Variants in PDSS2 observed in about 807,000 individuals in gnomAD.
The protein encoded by PDSS2 is decaprenyl diphosphate synthase subunit 2, also known as all trans-polyprenyl-diphosphate synthase PDSS2.
Under a neutral mutation model 44.5 loss-of-function variants are expected in PDSS2, and 31 were observed. The ratio of observed to expected loss-of-function variants is 0.70; its 90% confidence interval spans 0.52 to 0.94. The LOEUF (loss-of-function observed/expected upper bound fraction) is 0.94. Ranked by LOEUF, PDSS2 falls within the 40% of genes least tolerant of loss-of-function variation. PDSS2 has a pLI of 0.00. For synonymous variants in PDSS2, 157 were observed against 180.3 expected, an observed-to-expected ratio of 0.87 and a Z score of 1.03; for missense variants, 452 against 482.2, an observed-to-expected ratio of 0.94 and a Z score of 0.59.
chr6:107,162,192 A>G (rs1223177682), intron 7 of PDSS2, among the ~76,000 whole-genome samples: 1 of 152,156 alleles, frequency 6.6e-6, no homozygotes, highest in Non-Finnish European at 1.5e-5. Flanking sequence ...AAAGCTAACT[A>G]GAAAAACTAA....
chr6:107,253,184 C>T (rs1252989249), intron 3 of PDSS2, among the ~76,000 whole-genome samples: 2 of 151,896 alleles, frequency 1.3e-5, no homozygotes, highest in Non-Finnish European at 2.9e-5. Context: ...TACAGGCGTG[C>T]GCCACCACGC....
intron 7 of PDSS2, among the ~76,000 whole-genome samples, chr6:107,180,929 C>T (rs1771952739): frequency 6.6e-6 from 1 of 152,144 alleles, no homozygotes; most frequent in African/African-American, 2.4e-5. Flanking sequence ...ACCGCAACCT[C>T]CATCTCCCGG....
chr6:107,232,883 A>T (rs1283187683), intron 4 of PDSS2, among the ~76,000 whole-genome samples: 1 of 151,402 alleles, frequency 6.6e-6, no homozygotes, highest in Non-Finnish European at 1.5e-5. Flanking sequence ...TCTGTCACCC[A>T]GGCTGGAGTG....
intron 1 of PDSS2, among the ~76,000 whole-genome samples, chr6:107,374,114 C>G (rs1029906065): frequency 9.9e-5 from 15 of 151,906 alleles, no homozygotes; most frequent in Non-Finnish European, 1.8e-4. Flanking sequence ...ATTAACCTGC[C>G]GTGGTGGCGC....
At chr6:107,262,133 C>T (rs950489247) in intron 3 of PDSS2, among the ~76,000 whole-genome samples, 1 of 151,556 alleles carries the variant, frequency 6.6e-6, no homozygotes, top group African/African-American at 2.4e-5. Flanking sequence ...TGGCCTCGAT[C>T]TCCTGACCTC....
chr6:107,429,937 T>TATATATATATATATATACAC (rs1316596170), intron 1 of PDSS2, among the ~76,000 whole-genome samples: 1 of 99,650 alleles, frequency 1.0e-5, no homozygotes, highest in East Asian at 3.1e-4. Context: ...TATATATATA[T>TATATATATATATATATACAC]ACACCAAACC....
intron 1 of PDSS2, among the ~76,000 whole-genome samples, chr6:107,380,239 T>C (rs1779415470): frequency 6.6e-6 from 1 of 152,180 alleles, no homozygotes; most frequent in Non-Finnish European, 1.5e-5. Flanking sequence ...CATCTACTCT[T>C]AATTTACTGG....
At chr6:107,225,149 A>ATATATT (rs1562389116) in intron 4 of PDSS2, among the ~76,000 whole-genome samples, 13 of 55,412 alleles carry the variant, frequency 2.3e-4, no homozygotes, top group Non-Finnish European at 3.5e-4. Context: ...ATATATATAT[A>ATATATT]TATATATATA....
chr6:107,340,771 C>A (rs1239486880), intron 1 of PDSS2, among the ~76,000 whole-genome samples: 1 of 152,022 alleles, frequency 6.6e-6, no homozygotes, highest in East Asian at 1.9e-4. Context: ...GGAATGGAGT[C>A]ATGGGAATAG....
intron 4 of PDSS2, among the ~76,000 whole-genome samples, chr6:107,234,730 A>T (rs141427499): frequency 1.3e-5 from 2 of 152,128 alleles, no homozygotes; most frequent in African/African-American, 2.4e-5. Context: ...GGTCAATTAG[A>T]TGCAAAACAT....
At chr6:107,254,628 G>A (rs1478887793) in intron 3 of PDSS2, among the ~76,000 whole-genome samples, 1 of 152,108 alleles carries the variant, frequency 6.6e-6, no homozygotes, top group Non-Finnish European at 1.5e-5. Flanking sequence ...TTTACCTAGC[G>A]ACACTGCCGC....
intron 1 of PDSS2, among the ~76,000 whole-genome samples, chr6:107,439,389 A>G (rs1007437489): frequency 2.0e-5 from 3 of 152,246 alleles, no homozygotes; most frequent in Admixed American, 1.3e-4. Flanking sequence ...TCTAAATTCC[A>G]GCAAGCCCAA....
rs140498926 is a variant in PDSS2, at chr6:107,452,586, T to C, written c.296+6404A>G. Among the ~76,000 whole-genome samples, 478 of 152,136 alleles carry C rather than the reference T, an allele frequency of 3.1e-3. 3 individuals are homozygous for C. The highest frequency in any genetic ancestry group is 9.8e-3 in the Admixed American group (150 of 15,282). On this transcript the variant is annotated intron_variant, in intron 1 of 7. Coordinates refer to ENST00000369037, the MANE Select transcript of PDSS2 (RefSeq NM_020381.4). Reference sequence around the variant, plus strand: ...CTGGATACAAGCCCTTCTTTGAATATGTGATTTGCAAATATTTTCTCCCAG... The same window carrying C: ...CTGGATACAAGCCCTTCTTTGAATACGTGATTTGCAAATATTTTCTCCCAG...
At chr6:107,361,552 T>C (rs1247040605) in intron 1 of PDSS2, among the ~76,000 whole-genome samples, 1 of 152,184 alleles carries the variant, frequency 6.6e-6, no homozygotes, top group Non-Finnish European at 1.5e-5. Context: ...AAATCATCCA[T>C]ATTTTTACAC....
At chr6:107,254,185 C>T (rs1425421272) in intron 3 of PDSS2, among the ~76,000 whole-genome samples, 3 of 151,600 alleles carry the variant, frequency 2.0e-5, no homozygotes, top group Non-Finnish European at 4.4e-5. Flanking sequence ...AGGCGTCCAC[C>T]ACCATACCTG....
At position 107,432,638 on chromosome 6, in the gene PDSS2, T is replaced by A. The variant is rs528906192; in HGVS notation, c.296+26352A>T. 3.3e-5 allele frequency among the ~76,000 whole-genome samples: 5 copies of A among 152,188 alleles called. No individual in the cohort carries two copies. The East Asian group carries it at 9.7e-4, about 29-fold the overall frequency. ...CAGAAATACAAAAATTAGCCAGGCG[T>A]GGTGGTGCACGCCTGTGGCTGAGGC... On this transcript the variant is annotated intron_variant, in intron 1 of 7. Transcript: ENST00000369037.
intron 6 of PDSS2, among the ~76,000 whole-genome samples, chr6:107,208,869 G>A (rs1210511252): frequency 2.0e-5 from 3 of 152,016 alleles, no homozygotes; most frequent in African/African-American, 7.2e-5. Flanking sequence ...CCTGGCCTGT[G>A]ACTCTTAATA....
chr6:107,282,773 G>A (rs1776008039), intron 2 of PDSS2, among the ~76,000 whole-genome samples: 1 of 151,230 alleles, frequency 6.6e-6, no homozygotes, highest in African/African-American at 2.4e-5. Flanking sequence ...GGAGGCTGAG[G>A]CAGGAGAATG....
At chr6:107,318,572 A>T (rs1472347663) in intron 2 of PDSS2, among the ~76,000 whole-genome samples, 1 of 152,234 alleles carries the variant, frequency 6.6e-6, no homozygotes, top group Non-Finnish European at 1.5e-5. Flanking sequence ...TCCCTGAAGA[A>T]GACAATAAAA....
Sources: allele counts gnomAD v4.1 joint callset (sites outside exome capture counted in the v4.1 genomes callset), GRCh38; gene constraint gnomAD v4.1.1; transcripts MANE v1.5; gene names NCBI Gene and HGNC (gene_info 2026-07-23, HGNC 2026-07-21).